Variants in EGFR observed in about 807,000 individuals in gnomAD.
The protein encoded by EGFR is epidermal growth factor receptor, also known as avian erythroblastic leukemia viral (v-erb-b) oncogene homolog.
A neutral mutation model predicts 143.0 loss-of-function variants in EGFR; 58 were observed. The ratio of observed to expected loss-of-function variants is 0.41; its 90% CI spans 0.33 to 0.50. The LOEUF (loss-of-function observed/expected upper bound fraction) is 0.50, where lower values mean the gene tolerates loss of function less well. EGFR is among the 20% of genes least tolerant of loss of function. EGFR has a pLI of 0.39. For missense variants in EGFR, 1,307 were observed against 1,579.0 expected (o/e 0.83, Z 2.92); for synonymous variants, 613 against 594.4 (o/e 1.03, Z -0.45).
At chr7:55,060,022 A>T (rs565319799) in intron 1 of EGFR, among the ~76,000 whole-genome samples, 4 of 152,340 alleles carry the variant, frequency 2.6e-5, no homozygotes, top group African/African-American at 9.6e-5. Context: ...GCTGGCAGCC[A>T]CCAGCGGGCA....
chr7:55,174,869 C>A (rs2128955009), intron 19 of EGFR, 49 bp downstream of exon 19: 1 of 1,452,114 alleles, frequency 6.9e-7, no homozygotes, highest in Non-Finnish European at 9.7e-7. Context: ...GAACCTCAGG[C>A]CCACCTTTTC....
chr7:55,181,030 C>A, intron 19 of EGFR: 1 of 577,536 alleles, frequency 1.7e-6, no homozygotes, highest in Non-Finnish European at 3.1e-6. Flanking sequence ...ATGTGCTCCT[C>A]ATGGCCACTG....
In EGFR at chr7:55,200,515, G is replaced by A. The variant is rs554041790; in HGVS notation, c.2946+102G>A. On this transcript the variant is annotated intron_variant, in intron 24 of 27. Transcript: ENST00000275493. ...GCCAGCCTGGCCTCCCTGTGTCCCA[G>A]ATCGCATTATTAAACCCTCCAGCGC... 7.2e-5 allele frequency: 86 copies of A among 1,197,550 alleles called. No individual in the cohort carries two copies. The Admixed American group carries it at 1.1e-3, about 16-fold the overall frequency. 74.2% of individuals were successfully genotyped at this position (1,197,550 alleles called of 1,614,324 possible).
At chr7:55,106,288 A>C (rs539905811) in intron 1 of EGFR, among the ~76,000 whole-genome samples, 1 of 152,366 alleles carries the variant, frequency 6.6e-6, no homozygotes, top group East Asian at 1.9e-4. Context: ...GTGTGCGTCC[A>C]GGTGTCTGTA....
chr7:55,041,083 C>T (rs1787868753), intron 1 of EGFR, among the ~76,000 whole-genome samples: 1 of 152,168 alleles, frequency 6.6e-6, no homozygotes, highest in African/African-American at 2.4e-5. Context: ...ATTAGCAGTA[C>T]ACAGGTGGTG....
intron 1 of EGFR, among the ~76,000 whole-genome samples, chr7:55,126,240 G>C (rs1286521451): frequency 6.6e-6 from 1 of 152,156 alleles, no homozygotes; most frequent in Admixed American, 6.5e-5. Flanking sequence ...CCCACTGGAT[G>C]GTAAGCTTCC....
At chr7:55,106,765 T>C (rs1039870754) in intron 1 of EGFR, among the ~76,000 whole-genome samples, 32 of 152,324 alleles carry the variant, frequency 2.1e-4, no homozygotes, top group African/African-American at 7.7e-4. Context: ...AATGTGATGG[T>C]TTATCATTTA....
chr7:55,196,195 C>CTTTTT (rs1331766673), intron 22 of EGFR, among the ~76,000 whole-genome samples: 9 of 55,366 alleles, frequency 1.6e-4, no homozygotes, highest in South Asian at 7.1e-4. Flanking sequence ...TTTTTTTTTA[C>CTTTTT]TTTTCAATAA....
chr7:55,094,620 G>A (rs572367758), intron 1 of EGFR, among the ~76,000 whole-genome samples: 12 of 152,326 alleles, frequency 7.9e-5, no homozygotes, highest in Non-Finnish European at 1.5e-4. Context: ...AGACAGTCCA[G>A]CAACTTCCTT....
chr7:55,202,376 C>T (rs1446627870), intron 26 of EGFR, 141 bp from the exon 27 acceptor site: 2 of 714,058 alleles, frequency 2.8e-6, no homozygotes, highest in African/African-American at 3.5e-5. Flanking sequence ...GTAGCACCAG[C>T]ACCCACCAGG....
At chr7:55,139,095 G>C (rs1171380267) in intron 1 of EGFR, among the ~76,000 whole-genome samples, 1 of 152,138 alleles carries the variant, frequency 6.6e-6, no homozygotes, top group Non-Finnish European at 1.5e-5. Flanking sequence ...CAACACTGTT[G>C]CATTGGTGAT....
At chr7:55,097,418 T>C (rs2128898683) in intron 1 of EGFR, among the ~76,000 whole-genome samples, 1 of 152,306 alleles carries the variant, frequency 6.6e-6, no homozygotes, top group East Asian at 1.9e-4. Context: ...AATAAAACTG[T>C]AACCAGCCCA....
At chr7:55,074,398 A>G (rs927008155) in intron 1 of EGFR, among the ~76,000 whole-genome samples, 2 of 152,364 alleles carry the variant, frequency 1.3e-5, no homozygotes, top group African/African-American at 4.8e-5. Flanking sequence ...AGTTATGACA[A>G]TGTAATCAAA....
chr7:55,102,709 C>T (rs1791898594), intron 1 of EGFR, among the ~76,000 whole-genome samples: 1 of 151,976 alleles, frequency 6.6e-6, no homozygotes, highest in Non-Finnish European at 1.5e-5. Context: ...ATTTATATAC[C>T]ACATGTATAA....
intron 20 of EGFR, among the ~76,000 whole-genome samples, chr7:55,190,071 A>G (rs925577857): frequency 1.3e-5 from 2 of 152,150 alleles, no homozygotes; most frequent in African/African-American, 4.8e-5. Flanking sequence ...AGGCTGCCAG[A>G]GTAGCAGGGA....
At chr7:55,189,201 G>T (rs969785843) in intron 20 of EGFR, among the ~76,000 whole-genome samples, 1 of 152,114 alleles carries the variant, frequency 6.6e-6, no homozygotes, top group Non-Finnish European at 1.5e-5. Context: ...GGCTTAGCAG[G>T]TGCATTTCCC....
chr7:55,049,399 T>C (rs1414676742), intron 1 of EGFR, among the ~76,000 whole-genome samples: 2 of 152,182 alleles, frequency 1.3e-5, no homozygotes, highest in Non-Finnish European at 2.9e-5. Context: ...TATAGAGAAC[T>C]CAGCTGCCAG....
At chr7:55,134,324 C>G in intron 1 of EGFR, among the ~76,000 whole-genome samples, 1 of 151,426 alleles carries the variant, frequency 6.6e-6, no homozygotes, top group Admixed American at 6.6e-5. Flanking sequence ...AGGTCCAGTT[C>G]CAGGACTCAG....
chr7:55,166,743 GA>G (rs1423596308), intron 15 of EGFR, among the ~76,000 whole-genome samples: 1 of 139,228 alleles, frequency 7.2e-6, no homozygotes, highest in Non-Finnish European at 1.5e-5. Context: ...TGGTAGTGAT[GA>G]TGGTGTTGAT....
Sources: allele counts gnomAD v4.1 joint callset (sites outside exome capture counted in the v4.1 genomes callset), GRCh38; gene constraint gnomAD v4.1.1; transcripts MANE v1.5; gene names NCBI Gene and HGNC (gene_info 2026-07-23, HGNC 2026-07-21).